Variants in STAG1 observed in about 807,000 individuals in gnomAD.
STAG1 encodes cohesin subunit SA-1.
STAG1 carries 26 observed loss-of-function variants against 170.9 expected under a neutral mutation model. The ratio of observed to expected loss-of-function variants is 0.15; its 90% CI spans 0.11 to 0.21. The LOEUF is 0.21. Among genes scored for constraint, STAG1 ranks in the 10% least tolerant of loss-of-function variants. The pLI, the probability that STAG1 is intolerant of heterozygous loss-of-function variation, is 1.00. For synonymous variants in STAG1, 514 were observed against 497.7 expected, an observed-to-expected ratio of 1.03 and a Z score of -0.44; for missense variants, 964 against 1,509.5, an observed-to-expected ratio of 0.64 and a Z score of 5.99.
chr3:136,399,363 C>G (rs1308089786), intron 21 of STAG1, among the ~76,000 whole-genome samples: 1 of 152,128 alleles, frequency 6.6e-6, no homozygotes, highest in African/African-American at 2.4e-5. Context: ...ATATAATTAT[C>G]TTTCTTCTCC....
intron 2 of STAG1, among the ~76,000 whole-genome samples, chr3:136,629,268 A>G (rs1013153709): frequency 1.3e-5 from 2 of 152,194 alleles, no homozygotes; most frequent in African/African-American, 4.8e-5. Flanking sequence ...AAGGCACACA[A>G]TGCAGTTTAG....
intron 23 of STAG1, among the ~76,000 whole-genome samples, chr3:136,374,668 T>TA (rs933706430): frequency 2.0e-5 from 3 of 151,964 alleles, no homozygotes; most frequent in African/African-American, 7.2e-5. Flanking sequence ...GTTTGTGTGT[T>TA]AGGTATTATT....
At chr3:136,353,555 G>GGATC (rs1343493938) in intron 28 of STAG1, among the ~76,000 whole-genome samples, 1 of 152,170 alleles carries the variant, frequency 6.6e-6, no homozygotes, top group Non-Finnish European at 1.5e-5. Flanking sequence ...GAAGGTAGTG[G>GGATC]GATCACATGG....
At chr3:136,576,673 T>A (rs1269596321) in intron 4 of STAG1, among the ~76,000 whole-genome samples, 1 of 152,158 alleles carries the variant, frequency 6.6e-6, no homozygotes, top group African/African-American at 2.4e-5. Flanking sequence ...GCAGTCAATA[T>A]GGTGGTTAAA....
chr3:136,340,371 C>T, intron 32 of STAG1, 120 bp downstream of exon 32: 1 of 635,918 alleles, frequency 1.6e-6, no homozygotes, highest in Non-Finnish European at 2.8e-6. Flanking sequence ...ATCCACCCAC[C>T]TCAGCCTCCC....
intron 9 of STAG1, among the ~76,000 whole-genome samples, chr3:136,485,603 A>G (rs2089993029): frequency 6.6e-6 from 1 of 152,232 alleles, no homozygotes; most frequent in African/African-American, 2.4e-5. Context: ...ATAATGAATA[A>G]CTGCATATAT....
At chr3:136,706,144 G>C (rs919088190) in intron 1 of STAG1, among the ~76,000 whole-genome samples, 8 of 152,166 alleles carry the variant, frequency 5.3e-5, no homozygotes, top group Non-Finnish European at 7.3e-5. Flanking sequence ...ATGCATTTAT[G>C]AAAAGCCTAC....
At chr3:136,564,323 A>G (rs1286329380) in intron 5 of STAG1, among the ~76,000 whole-genome samples, 1 of 152,190 alleles carries the variant, frequency 6.6e-6, no homozygotes, top group Non-Finnish European at 1.5e-5. Context: ...TACCTTTACA[A>G]AAGAGTTTAT....
intron 4 of STAG1, chr3:136,591,462 C>T (rs1938176082): frequency 1.7e-5 from 5 of 293,648 alleles, no homozygotes; most frequent in Middle Eastern, 5.9e-4. Flanking sequence ...CCCAGCTACT[C>T]GAGAGGCTCA....
At chr3:136,441,236 T>C (rs899628102) in intron 15 of STAG1, among the ~76,000 whole-genome samples, 6 of 152,048 alleles carry the variant, frequency 3.9e-5, no homozygotes, top group Admixed American at 3.3e-4. Flanking sequence ...TTTTGCCATA[T>C]TGGCGAGGCT....
chr3:136,716,669 A>G (rs1200311326), intron 1 of STAG1, among the ~76,000 whole-genome samples: 1 of 151,892 alleles, frequency 6.6e-6, no homozygotes, highest in East Asian at 1.9e-4. Flanking sequence ...CAAACAAAAA[A>G]CTCTATATTC....
chr3:136,580,000 ACT>A (rs2107777184), intron 4 of STAG1, among the ~76,000 whole-genome samples: 1 of 99,312 alleles, frequency 1.0e-5, no homozygotes, highest in East Asian at 2.5e-4. Flanking sequence ...ACGGAGTCTC[ACT>A]CTGTCGCCAG....
intron 1 of STAG1, among the ~76,000 whole-genome samples, chr3:136,631,890 GT>G (rs1940345258): frequency 6.6e-6 from 1 of 152,048 alleles, no homozygotes; most frequent in Admixed American, 6.6e-5. Flanking sequence ...GGGGAAGAAT[GT>G]TCAAAAAATC....
At chr3:136,707,569 GA>G (rs1420113124) in intron 1 of STAG1, among the ~76,000 whole-genome samples, 1 of 51,666 alleles carries the variant, frequency 1.9e-5, no homozygotes, top group African/African-American at 8.1e-5. Context: ...AATTTATAAT[GA>G]AAAGAAGTTT....
intron 9 of STAG1, among the ~76,000 whole-genome samples, chr3:136,489,596 C>T (rs532846258): frequency 3.9e-5 from 6 of 152,172 alleles, no homozygotes; most frequent in African/African-American, 1.4e-4. Flanking sequence ...TTGCAGCACC[C>T]AGTGAATTCA....
chr3:136,637,996 A>C (rs1323427874), intron 1 of STAG1, among the ~76,000 whole-genome samples: 1 of 151,838 alleles, frequency 6.6e-6, no homozygotes, highest in Non-Finnish European at 1.5e-5. Flanking sequence ...CACAGCCTCC[A>C]ACTCCTGGGC....
chr3:136,411,421 A>G (rs1175795843), intron 21 of STAG1, among the ~76,000 whole-genome samples: 2 of 152,228 alleles, frequency 1.3e-5, no homozygotes, highest in Non-Finnish European at 2.9e-5. Flanking sequence ...CAAAGTCACA[A>G]AACAGAATAG....
chr3:136,688,661 A>G (rs1171448144), intron 1 of STAG1, among the ~76,000 whole-genome samples: 1 of 152,146 alleles, frequency 6.6e-6, no homozygotes, highest in Non-Finnish European at 1.5e-5. Flanking sequence ...CAAAGTGCTG[A>G]GATTACAGGC....
intron 1 of STAG1, among the ~76,000 whole-genome samples, chr3:136,720,788 CA>C (rs140399721): frequency 6.2e-5 from 9 of 144,290 alleles, no homozygotes; most frequent in Admixed American, 7.0e-5. Context: ...GATTCCATCT[CA>C]AAAAAAAAAG....
Sources: allele counts gnomAD v4.1 joint callset (sites outside exome capture counted in the v4.1 genomes callset), GRCh38; gene constraint gnomAD v4.1.1; transcripts MANE v1.5; gene names NCBI Gene and HGNC (gene_info 2026-07-23, HGNC 2026-07-21).